Variants in FILIP1 observed in about 807,000 individuals in gnomAD.
FILIP1 encodes the protein filamin-A-interacting protein 1.
In FILIP1, 61 loss-of-function variants were observed where a neutral mutation model predicts 102.1. That is an observed-to-expected ratio of 0.60 (90% confidence interval 0.49 to 0.74). FILIP1 has a LOEUF of 0.74. FILIP1 is among the 30% of genes least tolerant of loss of function. The pLI is 0.00. For synonymous variants in FILIP1, 491 were observed against 526.9 expected (o/e 0.93, Z 0.93); for missense variants, 1,314 against 1,441.2 (o/e 0.91, Z 1.43).
In FILIP1 at chr6:75,403,984, T is replaced by C. The variant is rs559702201; in HGVS notation, c.276+10713A>G. ...AATCCTAGGAGGTTTCAACTTTTAATGGGAGATTTAGCCAATGTCCTAACT... is the reference window on the plus strand; with the variant it reads ...AATCCTAGGAGGTTTCAACTTTTAACGGGAGATTTAGCCAATGTCCTAACT... On this transcript the variant is annotated intron_variant, in intron 2 of 5. Coordinates refer to ENST00000237172, the MANE Select transcript of FILIP1 (RefSeq NM_015687.5). 2.7e-3 allele frequency among the ~76,000 whole-genome samples: 413 copies of C among 152,298 alleles called. 1 individual carries two copies. The highest frequency in any genetic ancestry group is 7.1e-3 in the South Asian group (34 of 4,816).
chr6:75,466,013 A>G (rs763321252), intron 1 of FILIP1, among the ~76,000 whole-genome samples: 1 of 152,102 alleles, frequency 6.6e-6, no homozygotes, highest in Non-Finnish European at 1.5e-5. Flanking sequence ...CTTAAGGCCC[A>G]CCCAGGTTAT....
rs1418412449 is a variant in FILIP1, at chr6:75,372,681, GAAAGAGAA to G, written c.277-9772_277-9765del. Among the ~76,000 whole-genome samples, 10 of 45,620 alleles carry G rather than the reference GAAAGAGAA, an allele frequency of 2.2e-4. No individual in the cohort carries two copies. In the East Asian group the frequency reaches 2.9e-3, roughly 13 times the overall value. The allele number at this position is 45,620 out of a possible 152,430, so 29.9% of individuals were successfully genotyped here. On this transcript the variant is annotated intron_variant, in intron 2 of 5. Coordinates refer to ENST00000237172, the MANE Select transcript of FILIP1 (RefSeq NM_015687.5). ...AGAAAGAAAGAAAGAAAGAAAGAAA[GAAAGAGAA>G]AGAAAGAGAAAGAAAGAAAGAAAGG...
chr6:75,471,241 T>TA (rs1368278019), intron 1 of FILIP1, among the ~76,000 whole-genome samples: 2 of 150,004 alleles, frequency 1.3e-5, no homozygotes, highest in African/African-American at 4.9e-5. Flanking sequence ...AAAAGACAAG[T>TA]ACTAGGAGAA....
intron 1 of FILIP1, among the ~76,000 whole-genome samples, chr6:75,459,278 T>C (rs1348824927): frequency 2.0e-5 from 3 of 152,182 alleles, no homozygotes; most frequent in East Asian, 1.9e-4. Context: ...AAATTATGAG[T>C]TGAGTTTTTT....
intron 2 of FILIP1, among the ~76,000 whole-genome samples, chr6:75,380,082 G>T (rs1202885138): frequency 1.3e-5 from 2 of 151,964 alleles, no homozygotes; most frequent in African/African-American, 4.8e-5. Flanking sequence ...TTTGCTGGAT[G>T]AATGAATGAA....
chr6:75,448,227 G>C (rs1176783907), intron 1 of FILIP1, among the ~76,000 whole-genome samples: 1 of 152,018 alleles, frequency 6.6e-6, no homozygotes, highest in Non-Finnish European at 1.5e-5. Context: ...AATTAGCTAT[G>C]GCATCCTTTG....
chr6:75,482,711 T>C (rs1412843596), intron 1 of FILIP1, among the ~76,000 whole-genome samples: 10 of 152,196 alleles, frequency 6.6e-5, no homozygotes, highest in Admixed American at 2.6e-4. Flanking sequence ...TACATGACCA[T>C]AAAGGTTTAG....
At chr6:75,423,232 A>G (rs955155672) in intron 1 of FILIP1, among the ~76,000 whole-genome samples, 4 of 152,206 alleles carry the variant, frequency 2.6e-5, no homozygotes, top group Non-Finnish European at 5.9e-5. Context: ...AAAAAGCTTG[A>G]TAAGTGGGTG....
At chr6:75,441,955 G>C (rs1375116254) in intron 1 of FILIP1, among the ~76,000 whole-genome samples, 1 of 151,684 alleles carries the variant, frequency 6.6e-6, no homozygotes. Flanking sequence ...CTCCCTCCCG[G>C]ACGGGGTGGC....
chr6:75,468,049 T>G (rs1779220373), intron 1 of FILIP1, among the ~76,000 whole-genome samples: 2 of 152,202 alleles, frequency 1.3e-5, no homozygotes, highest in African/African-American at 4.8e-5. Context: ...CTGGATGCCC[T>G]GAATAGCTGG....
At chr6:75,435,832 C>A (rs1042166907) in intron 1 of FILIP1, among the ~76,000 whole-genome samples, 1 of 152,100 alleles carries the variant, frequency 6.6e-6, no homozygotes, top group Non-Finnish European at 1.5e-5. Flanking sequence ...AGGTTTAAAC[C>A]ACTCAAACTT....
At chr6:75,477,562 A>G (rs1280862000) in intron 1 of FILIP1, among the ~76,000 whole-genome samples, 3 of 151,854 alleles carry the variant, frequency 2.0e-5, no homozygotes, top group African/African-American at 7.2e-5. Context: ...CAAAAATAAT[A>G]TTAATAATTT....
At chr6:75,421,717 T>C (rs1292073850) in intron 1 of FILIP1, among the ~76,000 whole-genome samples, 1 of 152,198 alleles carries the variant, frequency 6.6e-6, no homozygotes, top group South Asian at 2.1e-4. Context: ...GGTTCTTGAA[T>C]GGCTCCTGGT....
At chr6:75,415,093 A>T in intron 1 of FILIP1, 115 bp from the exon 2 acceptor site, 1 of 958,240 alleles carries the variant, frequency 1.0e-6, no homozygotes, top group African/African-American at 1.6e-5. Context: ...AGGAAAAATC[A>T]AATTAACATG....
intron 2 of FILIP1, among the ~76,000 whole-genome samples, chr6:75,370,462 GA>G (rs1303961749): frequency 6.6e-6 from 1 of 151,172 alleles, no homozygotes; most frequent in Non-Finnish European, 1.5e-5. Flanking sequence ...GAAAATCTCA[GA>G]ACAACCTTAA....
intron 4 of FILIP1, chr6:75,319,275 T>C (rs745759271): frequency 8.9e-6 from 6 of 673,766 alleles, no homozygotes; most frequent in Non-Finnish European, 1.7e-5. Context: ...TTCACACCTG[T>C]CCCAGTTTCT....
At chr6:75,335,479 T>C (rs1323946387) in intron 4 of FILIP1, among the ~76,000 whole-genome samples, 1 of 142,662 alleles carries the variant, frequency 7.0e-6, no homozygotes, top group Non-Finnish European at 1.5e-5. Context: ...TTTCTTTTTT[T>C]CCCATTGTTT....
At chr6:75,419,884 C>A (rs1224307438) in intron 1 of FILIP1, among the ~76,000 whole-genome samples, 1 of 152,136 alleles carries the variant, frequency 6.6e-6, no homozygotes, top group Non-Finnish European at 1.5e-5. Flanking sequence ...ATATATTGCT[C>A]AGAAATGTTC....
chr6:75,297,611 A>T (rs1772718454), intron 6 of FILIP1, among the ~76,000 whole-genome samples: 1 of 152,274 alleles, frequency 6.6e-6, no homozygotes, highest in Middle Eastern at 3.4e-3. Context: ...TCAACTTCAA[A>T]TGCCTAAAAA....
Sources: gnomAD v4.1 joint callset for allele counts (sites outside exome capture counted in the v4.1 genomes callset) on GRCh38, gnomAD v4.1.1 for gene constraint, MANE v1.5 for transcripts, NCBI Gene and HGNC (gene_info 2026-07-23, HGNC 2026-07-21) for gene names.